The following MYT1 variants were observed in gnomAD, a reference collection of about 807,000 sequenced individuals.
The protein encoded by MYT1 is myelin transcription factor 1.
In MYT1, 23 loss-of-function variants were observed where a neutral mutation model predicts 123.0. The ratio of observed to expected loss-of-function variants is 0.19; its 90% CI spans 0.13 to 0.26. The LOEUF (loss-of-function observed/expected upper bound fraction) is 0.26, where lower values mean the gene tolerates loss of function less well. Among genes scored for constraint, MYT1 ranks in the 10% least tolerant of loss-of-function variants. The probability of loss-of-function intolerance (pLI) is 1.00; values close to 1 mark genes in which losing one functional copy is unlikely to be tolerated. For missense variants in MYT1, 1,125 were observed against 1,472.5 expected (o/e 0.76, Z 3.86); for synonymous variants, 518 against 575.3 (o/e 0.90, Z 1.43).
At position 64,242,090 on chromosome 20, in the gene MYT1, C is replaced by T. The variant is rs997966485; in HGVS notation, c.*1642C>T. On this transcript the variant is annotated 3_prime_UTR_variant, in exon 23 of 23. Transcript: ENST00000328439. Reference sequence around the variant, plus strand: ...CCTGTTGCTGTGAGGGAGTGCTGGCCGCAGGCAGCCTCGAGTCACCGCCAG... The same window carrying T: ...CCTGTTGCTGTGAGGGAGTGCTGGCTGCAGGCAGCCTCGAGTCACCGCCAG... 9 of 152,526 alleles carry T rather than the reference C, an allele frequency of 5.9e-5. No individual in the cohort carries two copies. Among genetic ancestry groups the T allele is most frequent in the South Asian group, 2.1e-4 (1 of 4,830 alleles). The allele number at this position is 152,526 out of a possible 1,614,324, so 9.4% of individuals were successfully genotyped here.
intron 12 of MYT1, 130 bp downstream of exon 12, chr20:64,219,165 A>T: frequency 7.8e-7 from 1 of 1,273,912 alleles, no homozygotes; most frequent in Non-Finnish European, 1.1e-6. Flanking sequence ...CTCATTCTTA[A>T]CTTTTTCTCC....
chr20:64,195,056 C>T (rs377153404), intron 2 of MYT1, among the ~76,000 whole-genome samples: 25 of 152,032 alleles, frequency 1.6e-4, no homozygotes, highest in African/African-American at 5.1e-4. Flanking sequence ...CCACCACACC[C>T]GGCTAATTTT....
rs755625082 is a variant in MYT1, at chr20:64,208,003, G to C, written c.807G>C (p.Glu269Asp). ...EEDEEEEEEE[E>D]EEEEDEEEEE... ...ACGAGGAGGAGGAGGAGGAGGAAGA[G>C]GAGGAGGAGGAGGATGAAGAAGAGG... Residue 269 changes from glutamate to aspartate, a missense_variant, in exon 7 of 23, where the codon GAG becomes GAC. This residue lies in a region of MYT1 where 406 missense variants were observed against 432.2 expected (regional missense o/e 0.94). Coordinates refer to ENST00000328439, the MANE Select transcript of MYT1 (RefSeq NM_004535.3). The surrounding 1 kb of genome is among the most constrained non-coding windows in gnomAD (Gnocchi z 5.4). 1.3e-6 allele frequency: 2 copies of C among 1,518,514 alleles called. No individual in the cohort carries two copies. Among genetic ancestry groups the C allele is most frequent in the South Asian group, 1.2e-5 (1 of 82,530 alleles). The allele number at this position is 1,518,514 out of a possible 1,614,324, so 94.1% of individuals were successfully genotyped here. A position where few individuals can be genotyped will look rare whatever the true frequency, so the allele number is the denominator to read the frequency against.
intron 1 of MYT1, among the ~76,000 whole-genome samples, chr20:64,179,549 C>T (rs1310260938): frequency 6.6e-6 from 1 of 152,186 alleles, no homozygotes; most frequent in Admixed American, 6.5e-5. Context: ...TCTATAGACT[C>T]GTTGTTTCCT....
At chr20:64,180,212 C>T (rs1982611703) in intron 1 of MYT1, among the ~76,000 whole-genome samples, 1 of 152,154 alleles carries the variant, frequency 6.6e-6, no homozygotes, top group African/African-American at 2.4e-5. Context: ...GCTACACACA[C>T]ACAGTTACAG....
At position 64,232,047 on chromosome 20, in the gene MYT1, T is replaced by A; in HGVS notation, c.2676-117T>A. The A allele has an allele frequency of 1.9e-6, 2 of 1,033,714 alleles. No individual in the cohort carries two copies. The highest frequency in any genetic ancestry group is 2.8e-6 in the Non-Finnish European group (2 of 701,768). 64.0% of individuals were successfully genotyped at this position (1,033,714 alleles called of 1,614,324 possible). On this transcript the variant is annotated intron_variant, in intron 18 of 22. Coordinates refer to ENST00000328439, the MANE Select transcript of MYT1 (RefSeq NM_004535.3). The surrounding 1 kb of genome is among the most constrained non-coding windows in gnomAD (Gnocchi z 6.9). Reference sequence around the variant, plus strand: ...ACCTCAGCGGCCCTCCCTGCCTCACTCAGAAGCCCTTTAACGGCTCTGAGT... The same window carrying A: ...ACCTCAGCGGCCCTCCCTGCCTCACACAGAAGCCCTTTAACGGCTCTGAGT...
chr20:64,207,797 G>A lies in MYT1; in HGVS notation c.601G>A (p.Ala201Thr). The A allele has an allele frequency of 6.2e-7, 1 of 1,613,930 alleles. No homozygotes were observed. Among genetic ancestry groups the A allele is most frequent in the Non-Finnish European group, 8.5e-7 (1 of 1,179,976 alleles). The change falls in exon 7 of 23, where the codon GCT becomes ACT. Residue 201 changes from alanine (A) to threonine (T), a missense_variant. Ala to Thr is a moderately conservative substitution (Grantham distance 58). Transcript: ENST00000328439. Reference protein sequence around the residue: ...GPGIVHLLQEAAEGAASEEGE... With the variant: ...GPGIVHLLQETAEGAASEEGE... ...TGGCATTGTGCACCTGCTTCAGGAG[G>A]CTGCAGAGGGAGCTGCCAGCGAGGA... is the stretch of plus-strand genomic sequence containing the variant.
At chr20:64,170,785 C>T (rs1468863607) in intron 1 of MYT1, among the ~76,000 whole-genome samples, 1 of 141,202 alleles carries the variant, frequency 7.1e-6, no homozygotes, top group Non-Finnish European at 1.5e-5. Context: ...GTCACCGATG[C>T]GTCAAAGTGG....
intron 1 of MYT1, among the ~76,000 whole-genome samples, chr20:64,179,308 T>C (rs1020065108): frequency 1.3e-5 from 2 of 152,268 alleles, no homozygotes; most frequent in African/African-American, 4.8e-5. Context: ...TTGCCCGTGA[T>C]GCAGGAACAC....
chr20:64,177,085 A>G (rs1982480186), intron 1 of MYT1, among the ~76,000 whole-genome samples: 1 of 152,240 alleles, frequency 6.6e-6, no homozygotes, highest in African/African-American at 2.4e-5. Context: ...TTGCATATAA[A>G]TGGAAAAGAA....
intron 6 of MYT1, 135 bp downstream of exon 6, chr20:64,205,935 C>A: frequency 7.2e-7 from 1 of 1,394,514 alleles, no homozygotes; most frequent in Non-Finnish European, 9.6e-7. Flanking sequence ...CTTGTCCCAA[C>A]ATGTGCTGGG....
At chr20:64,177,405 G>A (rs1327204455) in intron 1 of MYT1, among the ~76,000 whole-genome samples, 3 of 151,854 alleles carry the variant, frequency 2.0e-5, no homozygotes, top group Admixed American at 6.6e-5. Flanking sequence ...AAGAAAAAGA[G>A]CAAAACTTGC....
chr20:64,204,053 G>C (rs1453318924), intron 4 of MYT1, among the ~76,000 whole-genome samples: 1 of 152,214 alleles, frequency 6.6e-6, no homozygotes, highest in Non-Finnish European at 1.5e-5. Context: ...AGGCGTCTGG[G>C]TCTTACAATG....
At chr20:64,179,946 T>TGCAC (rs1555953954) in intron 1 of MYT1, among the ~76,000 whole-genome samples, 2 of 150,182 alleles carry the variant, frequency 1.3e-5, no homozygotes, top group Non-Finnish European at 3.0e-5. Flanking sequence ...CACACACAGT[T>TGCAC]ACACATTTGC....
At position 64,220,101 on chromosome 20, in the gene MYT1, G is replaced by A. The variant is rs1003196749; in HGVS notation, c.2241+119G>A. 13 of 1,389,268 alleles carry A rather than the reference G, an allele frequency of 9.4e-6. No individual in the cohort carries two copies. In the Admixed American group the frequency reaches 1.3e-4, roughly 14 times the overall value. The allele number at this position is 1,389,268 out of a possible 1,614,324, so 86.1% of individuals were successfully genotyped here. The stretch of plus-strand genomic sequence containing the variant: ...CCTCACAGGCTTCTGGAAGAGCCTC[G>A]GGGAGCCATCCCTTTTCGTGAAGGG... On this transcript the variant is annotated intron_variant, in intron 13 of 22. Transcript: ENST00000328439.
chr20:64,201,010 C>T (rs1983281782), intron 4 of MYT1, among the ~76,000 whole-genome samples: 1 of 152,174 alleles, frequency 6.6e-6, no homozygotes, highest in Non-Finnish European at 1.5e-5. Context: ...GAGAGATGCT[C>T]AGAAGGACCC....
At chr20:64,227,589 C>T (rs1271082366) in intron 17 of MYT1, 112 bp downstream of exon 17, 12 of 996,566 alleles carry the variant, frequency 1.2e-5, no homozygotes, top group African/African-American at 1.6e-5. Context: ...CCATTCCCAT[C>T]TCTTTAATCT....
At chr20:64,239,426 G>T (rs986322540) in intron 21 of MYT1, among the ~76,000 whole-genome samples, 1 of 152,136 alleles carries the variant, frequency 6.6e-6, no homozygotes, top group Non-Finnish European at 1.5e-5. Flanking sequence ...CATCCCCTCA[G>T]GACAGAGGGG....
At chr20:64,184,023 C>A (rs1364187356) in intron 1 of MYT1, among the ~76,000 whole-genome samples, 1 of 152,054 alleles carries the variant, frequency 6.6e-6, no homozygotes, top group Non-Finnish European at 1.5e-5. Flanking sequence ...CTTCACCATG[C>A]TGGCCAGGCT....
Sources: allele counts gnomAD v4.1 joint callset (sites outside exome capture counted in the v4.1 genomes callset), GRCh38; gene constraint gnomAD v4.1.1; regional missense constraint gnomAD v4.1.1; non-coding constraint Gnocchi (gnomAD v3.1); transcripts MANE v1.5; gene names NCBI Gene and HGNC (gene_info 2026-07-23, HGNC 2026-07-21).